The following KIAA1328 variants were observed in gnomAD, a reference collection of about 807,000 sequenced individuals.
KIAA1328 encodes KIAA1328.
Under a neutral mutation model 68.1 loss-of-function variants are expected in KIAA1328, and 52 were observed. That is an observed-to-expected ratio of 0.76 (90% CI 0.61 to 0.96). The LOEUF is 0.96. KIAA1328 is among the 40% of genes least tolerant of loss of function. KIAA1328 has a pLI of 0.00. For synonymous variants in KIAA1328, 232 were observed against 239.4 expected (o/e 0.97, Z 0.28); for missense variants, 641 against 677.6 (o/e 0.95, Z 0.60).
intron 4 of KIAA1328, among the ~76,000 whole-genome samples, chr18:36,866,534 T>A (rs2150910863): frequency 6.6e-6 from 1 of 152,310 alleles, no homozygotes; most frequent in South Asian, 2.1e-4. Flanking sequence ...GTAAAGACAT[T>A]AAGTGTATTT....
At chr18:37,148,719 A>G (rs1324528950) in intron 7 of KIAA1328, among the ~76,000 whole-genome samples, 1 of 152,180 alleles carries the variant, frequency 6.6e-6, no homozygotes, top group Non-Finnish European at 1.5e-5. Flanking sequence ...TCTAATGATC[A>G]GTGATGTTGA....
intron 3 of KIAA1328, among the ~76,000 whole-genome samples, chr18:36,837,310 A>G (rs1016614293): frequency 1.3e-5 from 2 of 152,170 alleles, no homozygotes; most frequent in Admixed American, 6.5e-5. Flanking sequence ...GTGGTAATTC[A>G]ATGTGATTTT....
chr18:37,158,272 C>CT (rs1355643963), intron 7 of KIAA1328, among the ~76,000 whole-genome samples: 1 of 152,120 alleles, frequency 6.6e-6, no homozygotes, highest in African/African-American at 2.4e-5. Flanking sequence ...TTTCTGGCCT[C>CT]AGGTGTGGGA....
chr18:37,151,588 C>T (rs1201997898), intron 7 of KIAA1328, among the ~76,000 whole-genome samples: 1 of 151,912 alleles, frequency 6.6e-6, no homozygotes, highest in Non-Finnish European at 1.5e-5. Context: ...ATAAATAGAT[C>T]GATGGAAAAG....
At position 37,067,214 on chromosome 18, in the gene KIAA1328, A is replaced by C. The variant is rs200614954; in HGVS notation, c.901A>C (p.Thr301Pro). ...GAAGGAATGTCCACATCTTAAGCCTACTCCTAGTCAATGCTGTGGTCATAG... is the reference window on the plus strand; with the variant it reads ...GAAGGAATGTCCACATCTTAAGCCTCCTCCTAGTCAATGCTGTGGTCATAG... ...HMKECPHLKP[T>P]PSQCCGHRLA... The change falls in exon 7 of 10, where the codon ACT (threonine) becomes CCT (proline). Residue 301 changes from threonine (T) to proline (P), a missense_variant. Coordinates refer to ENST00000280020, the MANE Select transcript of KIAA1328 (RefSeq NM_020776.3). 35 of 1,613,842 alleles carry C rather than the reference A, an allele frequency of 2.2e-5. No individual in the cohort carries two copies. The Admixed American group carries it at 5.7e-4, about 26-fold the overall frequency.
intron 7 of KIAA1328, among the ~76,000 whole-genome samples, chr18:37,094,289 A>G (rs146365294): frequency 1.9e-4 from 29 of 152,260 alleles, no homozygotes; most frequent in African/African-American, 7.0e-4. Flanking sequence ...ACCGGTCTGC[A>G]GCCTGGGGGT....
At chr18:37,045,837 G>A (rs1466127537) in intron 6 of KIAA1328, among the ~76,000 whole-genome samples, 2 of 152,266 alleles carry the variant, frequency 1.3e-5, no homozygotes, top group Non-Finnish European at 2.9e-5. Flanking sequence ...GAATAGCATG[G>A]TATGACTTTG....
At chr18:36,990,866 G>A (rs1475442907) in intron 6 of KIAA1328, among the ~76,000 whole-genome samples, 3 of 152,012 alleles carry the variant, frequency 2.0e-5, no homozygotes, top group East Asian at 3.9e-4. Flanking sequence ...TAGGTGCTAC[G>A]TTGAGAGAAA....
chr18:36,928,164 T>C (rs1189115914), intron 5 of KIAA1328, among the ~76,000 whole-genome samples: 1 of 152,202 alleles, frequency 6.6e-6, no homozygotes, highest in Non-Finnish European at 1.5e-5. Context: ...GAGCATAGAC[T>C]GGGCAGAATG....
intron 1 of KIAA1328, among the ~76,000 whole-genome samples, chr18:36,831,899 A>G (rs1390463887): frequency 1.3e-5 from 2 of 152,154 alleles, no homozygotes; most frequent in Non-Finnish European, 2.9e-5. Context: ...GTATCTGCTG[A>G]TTCATTCAAA....
intron 5 of KIAA1328, among the ~76,000 whole-genome samples, chr18:36,952,438 A>G (rs1598804055): frequency 6.6e-6 from 1 of 152,148 alleles, no homozygotes; most frequent in Admixed American, 6.5e-5. Flanking sequence ...TTGAATATAT[A>G]CTTTGTGCCC....
intron 9 of KIAA1328, among the ~76,000 whole-genome samples, chr18:37,180,179 T>G (rs1266003338): frequency 6.6e-6 from 1 of 152,022 alleles, no homozygotes; most frequent in Non-Finnish European, 1.5e-5. Flanking sequence ...CATAGTACTT[T>G]AGCATTGGCA....
In KIAA1328 at chr18:36,835,370, T is replaced by A. The variant is rs748840553; in HGVS notation, c.231T>A (p.Asp77Glu). The change falls in exon 3 of 10, where the codon GAT (aspartate) becomes GAA (glutamate). Residue 77 changes from aspartate (D) to glutamate (E), a missense_variant. Physicochemically the swap from Asp to Glu is conservative, Grantham distance 45 (BLOSUM62 2). Coordinates refer to ENST00000280020, the MANE Select transcript of KIAA1328 (RefSeq NM_020776.3). ...ESLKGTGDSV[D>E]EQNSCRGEIK... Reference sequence around the variant, plus strand: ...TAAAAGGCACAGGAGATTCAGTAGATGAACAGGTTAGTATTTTTTTCGTCT... The same window carrying A: ...TAAAAGGCACAGGAGATTCAGTAGAAGAACAGGTTAGTATTTTTTTCGTCT... 1 of 1,610,244 alleles carries A rather than the reference T, an allele frequency of 6.2e-7. No homozygotes were observed. Among genetic ancestry groups the A allele is most frequent in the Non-Finnish European group, 8.5e-7 (1 of 1,178,644 alleles).
chr18:37,050,396 T>C (rs905047694), intron 6 of KIAA1328, among the ~76,000 whole-genome samples: 2 of 152,178 alleles, frequency 1.3e-5, no homozygotes, highest in Non-Finnish European at 2.9e-5. Context: ...GGGGTTCCCT[T>C]GTCTTTGCCT....
At chr18:37,006,649 A>G (rs369625762) in intron 6 of KIAA1328, among the ~76,000 whole-genome samples, 39 of 152,052 alleles carry the variant, frequency 2.6e-4, no homozygotes, top group African/African-American at 9.2e-4. Context: ...TACATTAGGT[A>G]TAATGCTATC....
At chr18:36,831,134 A>G (rs183072483) in intron 1 of KIAA1328, among the ~76,000 whole-genome samples, 5 of 152,358 alleles carry the variant, frequency 3.3e-5, no homozygotes, top group Non-Finnish European at 7.3e-5. Flanking sequence ...TAGAATTTTC[A>G]ATAGAAAAAG....
chr18:37,180,467 A>G (rs1018433132), intron 9 of KIAA1328, among the ~76,000 whole-genome samples: 4 of 152,188 alleles, frequency 2.6e-5, no homozygotes, highest in East Asian at 3.9e-4. Flanking sequence ...GGTTTTGGGT[A>G]GGAATCAGAC....
At chr18:36,896,871 T>A (rs907035470) in intron 5 of KIAA1328, among the ~76,000 whole-genome samples, 1 of 152,200 alleles carries the variant, frequency 6.6e-6, no homozygotes, top group African/African-American at 2.4e-5. Context: ...AGCTTGTAAT[T>A]GCTTTACATT....
chr18:36,857,344 C>T (rs113944783), intron 4 of KIAA1328, among the ~76,000 whole-genome samples: 7 of 152,250 alleles, frequency 4.6e-5, no homozygotes, highest in African/African-American at 1.7e-4. Flanking sequence ...TAGTATATGT[C>T]ATCTTTAAGT....
Sources: allele counts gnomAD v4.1 joint callset (sites outside exome capture counted in the v4.1 genomes callset), GRCh38; gene constraint gnomAD v4.1.1; transcripts MANE v1.5; gene names NCBI Gene and HGNC (gene_info 2026-07-23, HGNC 2026-07-21).